Variants in ADGRE5 observed in about 807,000 individuals in gnomAD.
The protein encoded by ADGRE5 is adhesion G protein-coupled receptor E5.
Under a neutral mutation model 100.3 loss-of-function variants are expected in ADGRE5, and 72 were observed. That is an observed-to-expected ratio of 0.72 (90% CI 0.59 to 0.87). The LOEUF (loss-of-function observed/expected upper bound fraction) is 0.87. Ranked by LOEUF, ADGRE5 falls within the 40% of genes least tolerant of loss-of-function variation. The pLI is 0.00. For missense variants in ADGRE5, 959 were observed against 1,094.7 expected (o/e 0.88, Z 1.75); for synonymous variants, 439 against 447.8 (o/e 0.98, Z 0.25).
At chr19:14,400,534 G>A (rs561447346) in intron 9 of ADGRE5, among the ~76,000 whole-genome samples, 83 of 152,188 alleles carry the variant, frequency 5.5e-4, no homozygotes, top group African/African-American at 2.0e-3. Context: ...GCTCAAGTCT[G>A]TAATCCCAGC....
chr19:14,388,740 A>G lies in ADGRE5; in HGVS notation c.112A>G (p.Asn38Asp). 6.2e-7 allele frequency: 1 copy of G among 1,613,762 alleles called. No homozygotes were observed. The highest frequency in any genetic ancestry group is 8.5e-7 in the Non-Finnish European group (1 of 1,179,982). Residue 38 changes from asparagine (N) to aspartate (D), a missense_variant, in exon 3 of 20, where the codon AAT (asparagine) becomes GAT (aspartate). Physicochemically the swap from Asn to Asp is conservative, Grantham distance 23. Coordinates refer to ENST00000242786, the MANE Select transcript of ADGRE5 (RefSeq NM_078481.4). ...GTGCCCTCAGAACTCCTCGTGTGTC[A>G]ATGCCACCGCCTGTCGCTGCAATCC... Reference protein sequence around the residue: ...RWCPQNSSCVNATACRCNPGF... With the variant: ...RWCPQNSSCVDATACRCNPGF...
In ADGRE5 at chr19:14,391,082, A is replaced by G; in HGVS notation, c.346+3A>G. ...TGAGAGCGAGAACACCTGTCAAGGT[A>G]AGAACCACCCCACGTCCTCTGACTT... On this transcript the variant is annotated splice_donor_region_variant and intron_variant, in intron 4 of 19. Coordinates refer to ENST00000242786, the MANE Select transcript of ADGRE5 (RefSeq NM_078481.4). The G allele has an allele frequency of 6.2e-7, 1 of 1,614,214 alleles. No homozygotes were observed. Among genetic ancestry groups the G allele is most frequent in the Non-Finnish European group, 8.5e-7 (1 of 1,180,026 alleles).
At chr19:14,405,607 A>G in intron 13 of ADGRE5, 141 bp from the exon 14 acceptor site, 1 of 643,070 alleles carries the variant, frequency 1.6e-6, no homozygotes, top group Non-Finnish European at 2.7e-6. Flanking sequence ...TCCAGCTGGT[A>G]AGTGTGGCCA....
intron 9 of ADGRE5, among the ~76,000 whole-genome samples, chr19:14,398,578 G>T (rs932664808): frequency 2.0e-5 from 3 of 151,706 alleles, no homozygotes; most frequent in Non-Finnish European, 4.4e-5. Context: ...AGCAGGCTGA[G>T]GCAGGACAAT....
rs1975560937 is a variant in ADGRE5, at chr19:14,390,433, C to T, written c.191-491C>T. Among the ~76,000 whole-genome samples, 2 of 151,742 alleles carry T rather than the reference C, an allele frequency of 1.3e-5. 1 individual carries two copies. The highest frequency in any genetic ancestry group is 4.2e-4 in the South Asian group (2 of 4,800). On this transcript the variant is annotated intron_variant, in intron 3 of 19. Transcript: ENST00000242786. ...CCACCTCCTAGGTTCAAGCGATCCT[C>T]CTGACTCAGCCTCCTAAGTAGCTGT...
At position 14,398,474 on chromosome 19, in the gene ADGRE5, T is replaced by C. The variant is rs141326187; in HGVS notation, c.897+335T>C. 9.3e-4 allele frequency: 255 copies of C among 272,748 alleles called. 4 individuals are homozygous for C. The East Asian group carries it at 0.02, about 22-fold the overall frequency. The allele number at this position is 272,748 out of a possible 1,614,324, so 16.9% of individuals were successfully genotyped here. A position where few individuals can be genotyped will look rare whatever the true frequency, so the allele number is the denominator to read the frequency against. ...CACGCGGTCAGGAGATCGAGACCAT[T>C]CTGGCTAACATGGTGAAACCCCCGT... On this transcript the variant is annotated intron_variant, in intron 9 of 19. Coordinates refer to ENST00000242786, the MANE Select transcript of ADGRE5 (RefSeq NM_078481.4).
chr19:14,390,862 G>A, intron 3 of ADGRE5, 62 bp from the exon 4 acceptor site: 2 of 1,583,486 alleles, frequency 1.3e-6, no homozygotes, highest in African/African-American at 1.3e-5. Context: ...TCAGGATGGG[G>A]GTCTCTGCCC....
At chr19:14,382,734 A>T (rs1418433591) in intron 1 of ADGRE5, among the ~76,000 whole-genome samples, 1 of 149,942 alleles carries the variant, frequency 6.7e-6, no homozygotes, top group Non-Finnish European at 1.5e-5. Context: ...TTTGAGACAA[A>T]GTCTCGCTCT....
At chr19:14,407,616 G>A (rs1053175182) in intron 18 of ADGRE5, among the ~76,000 whole-genome samples, 2 of 150,580 alleles carry the variant, frequency 1.3e-5, no homozygotes, top group African/African-American at 2.5e-5. Flanking sequence ...ACTCCAGCCT[G>A]GGTGACAGTG....
chr19:14,402,483 C>A, intron 11 of ADGRE5, 114 bp from the exon 12 acceptor site: 1 of 1,023,848 alleles, frequency 9.8e-7, no homozygotes, highest in Non-Finnish European at 1.5e-6. Flanking sequence ...TCGGGAGGGG[C>A]TCCTGGCGTC....
Position 14,396,971 on chromosome 19 carries a change from G to C in ADGRE5, c.479-106G>C, listed in dbSNP as rs1380533739. The C allele has an allele frequency of 7.4e-6, 10 of 1,347,440 alleles. No individual in the cohort carries two copies. In the Admixed American group the frequency reaches 2.5e-4, roughly 33 times the overall value. 83.5% of individuals were successfully genotyped at this position (1,347,440 alleles called of 1,614,324 possible). On this transcript the variant is annotated intron_variant, in intron 5 of 19. Transcript: ENST00000242786. ...ACCAAGTGGCGGCATGTGCAATAAT[G>C]GTCTTCAGTCTGAGGCAATGAAAAG...
intron 1 of ADGRE5, among the ~76,000 whole-genome samples, chr19:14,384,983 CT>C (rs575538948): frequency 0.025 from 2,091 of 82,426 alleles, 19 homozygotes; most frequent in Non-Finnish European, 0.028. Flanking sequence ...TCTTTTCTTT[CT>C]TTTTTTTTTT....
chr19:14,385,351 CTCTT>C (rs1477211323), intron 1 of ADGRE5, among the ~76,000 whole-genome samples: 3 of 152,058 alleles, frequency 2.0e-5, no homozygotes, highest in Admixed American at 1.3e-4. Context: ...GTCTCTGTCT[CTCTT>C]TCTGTGTCTC....
rs781042195 is a variant in ADGRE5 at position 14,388,787 on chromosome 19, GATC to G, written c.164_166del (p.Ile55del). The G allele has an allele frequency of 3.1e-6, 5 of 1,613,738 alleles. No homozygotes were observed. Among genetic ancestry groups the G allele is most frequent in the Non-Finnish European group, 4.2e-6 (5 of 1,179,914 alleles). On this transcript the variant is annotated inframe_deletion, in exon 3 of 20. Coordinates refer to ENST00000242786, the MANE Select transcript of ADGRE5 (RefSeq NM_078481.4). ...ATCCAGGGTTCAGCTCTTTTTCTGA[GATC>G]ATCACCACCCCGACGGAGACTTGTG... is the stretch of plus-strand genomic sequence containing the variant.
chr19:14,388,886 C>G, intron 3 of ADGRE5, 68 bp downstream of exon 3: 1 of 1,446,678 alleles, frequency 6.9e-7, no homozygotes, highest in Non-Finnish European at 9.7e-7. Flanking sequence ...CAGTGGGGGA[C>G]AGAGGTTGTT....
At chr19:14,393,855 G>A (rs1409310817) in intron 4 of ADGRE5, among the ~76,000 whole-genome samples, 1 of 152,182 alleles carries the variant, frequency 6.6e-6, no homozygotes, top group Non-Finnish European at 1.5e-5. Flanking sequence ...GACTTGGCCA[G>A]AGGAGACAGA....
intron 9 of ADGRE5, among the ~76,000 whole-genome samples, chr19:14,399,170 C>T (rs1042299844): frequency 5.3e-5 from 8 of 151,752 alleles, no homozygotes; most frequent in African/African-American, 1.7e-4. Flanking sequence ...GCAACACAGG[C>T]ATGAAAGTAA....
intron 1 of ADGRE5, among the ~76,000 whole-genome samples, chr19:14,383,873 C>T (rs1313449796): frequency 2.0e-5 from 3 of 152,002 alleles, no homozygotes; most frequent in African/African-American, 7.2e-5. Flanking sequence ...ACCTCAATCC[C>T]TCAATTCCTC....
chr19:14,388,889 A>T, intron 3 of ADGRE5, 71 bp downstream of exon 3: 4 of 1,426,696 alleles, frequency 2.8e-6, no homozygotes, highest in Non-Finnish European at 4.0e-6. Flanking sequence ...TGGGGGACAG[A>T]GGTTGTTGTG....
Sources: gnomAD v4.1 joint callset for allele counts (sites outside exome capture counted in the v4.1 genomes callset) on GRCh38, gnomAD v4.1.1 for gene constraint, MANE v1.5 for transcripts, NCBI Gene and HGNC (gene_info 2026-07-23, HGNC 2026-07-21) for gene names.